FAM151A: variants seen among roughly 807,000 people sequenced by gnomAD.
The protein encoded by FAM151A is protein FAM151A.
In FAM151A, 41 loss-of-function variants were observed where a neutral mutation model predicts 40.4. The ratio of observed to expected loss-of-function variants is 1.01; its 90% CI spans 0.79 to 1.32. The LOEUF is 1.32. Among genes scored for constraint, FAM151A ranks in the 40% most tolerant of loss-of-function variants. The pLI, the probability that FAM151A is intolerant of heterozygous loss-of-function variation, is 0.00. For synonymous variants in FAM151A, 337 were observed against 312.5 expected, an observed-to-expected ratio of 1.08 and a Z score of -0.83; for missense variants, 740 against 740.4, an observed-to-expected ratio of 1.00 and a Z score of 0.01.
At chr1:54,616,560 C>T (rs1288599082) in intron 2 of FAM151A, among the ~76,000 whole-genome samples, 4 of 151,768 alleles carry the variant, frequency 2.6e-5, no homozygotes, top group Admixed American at 1.3e-4. Context: ...TTAGTGGAGA[C>T]GGGGTTTCAC....
In FAM151A at chr1:54,610,443, G is replaced by T. The variant is rs762319397; in HGVS notation, c.1053C>A (p.Gly351=). ...GGGTCATTGTTGCTGTTTTACCGCTGCCCTGGACGTCAGGAACCAGCCACT... is the reference window on the plus strand; with the variant it reads ...GGGTCATTGTTGCTGTTTTACCGCTTCCCTGGACGTCAGGAACCAGCCACT... ...NVEWLVPDVQ[G]SGKTATMTLP... The change falls in exon 7 of 8, where the codon GGC becomes GGA. Residue 351 remains glycine, a synonymous_variant. Transcript: ENST00000302250. 14 of 1,613,534 alleles carry T rather than the reference G, an allele frequency of 8.7e-6. No homozygotes were observed. The South Asian group carries it at 1.4e-4, about 16-fold the overall frequency.
In FAM151A at chr1:54,609,777, C is replaced by G. The variant is rs748893680; in HGVS notation, c.1249G>C (p.Glu417Gln). 1.9e-6 allele frequency: 3 copies of G among 1,614,042 alleles called. No homozygotes were observed. The highest frequency in any genetic ancestry group is 2.7e-5 in the African/African-American group (2 of 74,946). ...AGGGATGGCCGGAGGGCTGCGGGCT[C>G]CGCTATTTGCAAATGGATGCCCCAG... ...GHWGIHLQIA[E>Q]PAALRPSLAL... Residue 417 changes from glutamate (E) to glutamine (Q), a missense_variant, in exon 8 of 8, where the codon GAG becomes CAG. By Grantham distance (29) the Glu-to-Gln change is conservative (BLOSUM62 2). Transcript: ENST00000302250.
At chr1:54,613,344 A>G (rs1644138733) in intron 4 of FAM151A, among the ~76,000 whole-genome samples, 1 of 151,932 alleles carries the variant, frequency 6.6e-6, no homozygotes, top group South Asian at 2.1e-4. Context: ...GTGCCATTGC[A>G]TTCCAACTTG....
rs1266701290 is a variant in FAM151A at position 54,611,493 on chromosome 1, C to G, written c.940+113G>C. On this transcript the variant is annotated intron_variant, in intron 6 of 7. Transcript: ENST00000302250. ...CAAAATGCAGCCGCCTCCTGTCCCA[C>G]CCCGGCCTTCCCCCTTCTGATATCC... The G allele has an allele frequency of 3.7e-6, 4 of 1,088,816 alleles. No individual in the cohort carries two copies. The East Asian group carries it at 9.8e-5, about 27-fold the overall frequency. The allele number at this position is 1,088,816 out of a possible 1,614,324, so 67.4% of individuals were successfully genotyped here.
At chr1:54,622,444 G>A (rs1644239474) in intron 1 of FAM151A, among the ~76,000 whole-genome samples, 1 of 152,118 alleles carries the variant, frequency 6.6e-6, no homozygotes. Context: ...TGAGCGTGGT[G>A]GCGCACGCCT....
chr1:54,615,952 A>G, intron 3 of FAM151A, 68 bp downstream of exon 3: 1 of 1,536,008 alleles, frequency 6.5e-7, no homozygotes, highest in Non-Finnish European at 8.9e-7. Flanking sequence ...CCAGTGAGGG[A>G]TCTCTGCACA....
chr1:54,613,647 T>C (rs1314969109), intron 4 of FAM151A, among the ~76,000 whole-genome samples: 1 of 152,188 alleles, frequency 6.6e-6, no homozygotes, highest in Non-Finnish European at 1.5e-5. Context: ...TTTGTACTTT[T>C]CTTCTTCAAA....
chr1:54,622,454 T>C (rs1644239612), intron 1 of FAM151A, among the ~76,000 whole-genome samples: 1 of 152,054 alleles, frequency 6.6e-6, no homozygotes, highest in South Asian at 2.1e-4. Flanking sequence ...GGCGCACGCC[T>C]GTAGTCCCAG....
Position 54,609,853 on chromosome 1 carries a change from G to A in FAM151A, c.1173C>T (p.Asn391=). ...GCAGGCAGGACTCCAGCGTCAGGAT[G>A]TTGCCACTTGGAGTATGAACAATGG... ...PVPIVHTPSG[N]ILTLESCLQQ... The change falls in exon 8 of 8, where the codon AAC becomes AAT. Residue 391 remains asparagine, a synonymous_variant. Transcript: ENST00000302250. 6 of 1,614,074 alleles carry A rather than the reference G, an allele frequency of 3.7e-6. No individual in the cohort carries two copies. Among genetic ancestry groups the A allele is most frequent in the Non-Finnish European group, 5.1e-6 (6 of 1,180,030 alleles).
At chr1:54,623,212 A>G (rs2101028279) in intron 1 of FAM151A, 66 bp downstream of exon 1, 1 of 1,030,496 alleles carries the variant, frequency 9.7e-7, no homozygotes, top group Non-Finnish European at 1.5e-6. Context: ...GCTGTAAGTG[A>G]GAAGTGGGGA....
At chr1:54,623,201 A>T in intron 1 of FAM151A, 77 bp downstream of exon 1, 1 of 915,286 alleles carries the variant, frequency 1.1e-6, no homozygotes, top group Non-Finnish European at 1.8e-6. Context: ...GACTGGTCAG[A>T]GCTGTAAGTG....
At position 54,612,643 on chromosome 1, in the gene FAM151A, T is replaced by G. The variant is rs997455557; in HGVS notation, c.643A>C (p.Met215Leu). 1 of 1,614,032 alleles carries G rather than the reference T, an allele frequency of 6.2e-7. No individual in the cohort carries two copies. The highest frequency in any genetic ancestry group is 1.3e-5 in the African/African-American group (1 of 74,992). The change falls in exon 5 of 8, where the codon ATG becomes CTG. Residue 215 changes from methionine to leucine, a missense_variant. Physicochemically the swap from Met to Leu is conservative, Grantham distance 15. Coordinates refer to ENST00000302250, the MANE Select transcript of FAM151A (RefSeq NM_176782.3). ...TACGTCCTGTTTGGGGACGTGGACATGTAGAAGGTGGTCCAGCCTGGAGAT... is the reference window on the plus strand; with the variant it reads ...TACGTCCTGTTTGGGGACGTGGACAGGTAGAAGGTGGTCCAGCCTGGAGAT... ...TLSPGWTTFY[M>L]STSPNRTYTQ...
chr1:54,612,412 G>T (rs2101015807), intron 5 of FAM151A, 74 bp downstream of exon 5: 1 of 1,114,544 alleles, frequency 9.0e-7, no homozygotes, highest in Non-Finnish European at 1.3e-6. Context: ...GACCCTTCCA[G>T]CCATGAGCTT....
chr1:54,609,668 G>A lies in FAM151A; in HGVS notation c.1358C>T (p.Ser453Leu), dbSNP rs41297137. 29,675 of 1,613,972 alleles carry A rather than the reference G, an allele frequency of 0.018. 379 individuals carry two copies. The highest frequency in any genetic ancestry group is 0.054 in the East Asian group (2,412 of 44,884). ...VGAKISHGSF[S>L]VPGHVAGREL... ...TCTGCCAGCCACATGGCCGGGGACCGAAAAACTCCCGTGGGAGATTTTGGC... is the reference window on the plus strand; with the variant it reads ...TCTGCCAGCCACATGGCCGGGGACCAAAAAACTCCCGTGGGAGATTTTGGC... Residue 453 changes from serine (S) to leucine (L), a missense_variant, in exon 8 of 8, where the codon TCG becomes TTG. Physicochemically the swap from Ser to Leu is moderately radical, Grantham distance 145. Coordinates refer to ENST00000302250, the MANE Select transcript of FAM151A (RefSeq NM_176782.3).
intron 1 of FAM151A, chr1:54,621,959 C>T (rs1298666316): frequency 1.3e-5 from 2 of 152,510 alleles, no homozygotes; most frequent in Non-Finnish European, 2.9e-5. Context: ...TGATGGTCTT[C>T]AGGCAAGTGA....
chr1:54,614,592 T>C (rs531647231), intron 4 of FAM151A, 108 bp downstream of exon 4: 12 of 1,139,866 alleles, frequency 1.1e-5, no homozygotes, highest in African/African-American at 9.3e-5. Flanking sequence ...TGAGGCTATA[T>C]ATAGTATGAT....
rs188902293 is a variant in FAM151A, at chr1:54,623,312, G to A, written c.84C>T (p.Ala28=). 23 of 1,614,000 alleles carry A rather than the reference G, an allele frequency of 1.4e-5. No homozygotes were observed. In the East Asian group the frequency reaches 2.0e-4, roughly 14 times the overall value. Residue 28 remains alanine (A), a synonymous_variant, in exon 1 of 8, where the codon GCC becomes GCT. Coordinates refer to ENST00000302250, the MANE Select transcript of FAM151A (RefSeq NM_176782.3). ...GITCVSVVVI[A]AIVLAITLRR... is the part of the protein sequence containing the mutation. ...GCAGGGTGATGGCAAGGACTATTGC[G>A]GCAATGACCACCACAGACACACAGG...
intron 1 of FAM151A, chr1:54,621,497 A>C (rs1195609036): frequency 2.0e-5 from 3 of 152,170 alleles, no homozygotes; most frequent in Non-Finnish European, 2.9e-5. Flanking sequence ...AAAAAAGATA[A>C]AAGATTGGAA....
intron 5 of FAM151A, among the ~76,000 whole-genome samples, chr1:54,612,014 A>C (rs1644123564): frequency 6.7e-6 from 1 of 148,726 alleles, no homozygotes; most frequent in Non-Finnish European, 1.5e-5. Context: ...GTCCTGTCTT[A>C]GGAAAGGGGC....
Sources: gnomAD v4.1 joint callset for allele counts (sites outside exome capture counted in the v4.1 genomes callset) on GRCh38, gnomAD v4.1.1 for gene constraint, MANE v1.5 for transcripts, NCBI Gene and HGNC (gene_info 2026-07-23, HGNC 2026-07-21) for gene names.